NR1H4: variants seen among roughly 807,000 people sequenced by gnomAD.
NR1H4 encodes nuclear receptor subfamily 1 group H member 4, also known as bile acid receptor.
A neutral mutation model predicts 58.5 loss-of-function variants in NR1H4; 23 were observed. The ratio of observed to expected loss-of-function variants is 0.39; its 90% CI spans 0.28 to 0.56. The LOEUF is 0.56. Ranked by LOEUF, NR1H4 falls within the 20% of genes least tolerant of loss-of-function variation. NR1H4 has a pLI of 0.58. For synonymous variants in NR1H4, 214 were observed against 198.0 expected (o/e 1.08, Z -0.68); for missense variants, 487 against 576.9 (o/e 0.84, Z 1.60).
chr12:100,499,940 T>C (rs936517109), intron 3 of NR1H4: 2 of 455,910 alleles, frequency 4.4e-6, no homozygotes, highest in Non-Finnish European at 8.8e-6. Context: ...CTTGCCTTAT[T>C]TAAATAAGGT....
chr12:100,485,228 T>C (rs1953465384), intron 1 of NR1H4, among the ~76,000 whole-genome samples: 1 of 152,208 alleles, frequency 6.6e-6, no homozygotes, highest in Admixed American at 6.5e-5. Flanking sequence ...CTGAATATTT[T>C]AGACTTTGCA....
chr12:100,474,739 G>C (rs539563694), intron 1 of NR1H4, among the ~76,000 whole-genome samples: 1 of 152,188 alleles, frequency 6.6e-6, no homozygotes, highest in Middle Eastern at 3.4e-3. Flanking sequence ...AGAGTGAATG[G>C]GGCAACTGTG....
intron 9 of NR1H4, among the ~76,000 whole-genome samples, chr12:100,559,909 C>T (rs1405206134): frequency 6.6e-6 from 1 of 152,228 alleles, no homozygotes; most frequent in Non-Finnish European, 1.5e-5. Flanking sequence ...CACCAATCAG[C>T]ACCCTGTGTC....
At chr12:100,536,402 CTT>C (rs113077673) in intron 6 of NR1H4, 108 bp from the exon 7 acceptor site, 589 of 555,734 alleles carry the variant, frequency 1.1e-3, no homozygotes, top group African/African-American at 2.8e-3. Context: ...GTATTTATGC[CTT>C]TTTTTTTTTA....
intron 4 of NR1H4, among the ~76,000 whole-genome samples, chr12:100,517,423 A>G (rs1264622510): frequency 6.6e-6 from 1 of 152,200 alleles, no homozygotes; most frequent in African/African-American, 2.4e-5. Flanking sequence ...TTCTTGATCC[A>G]GTCATCCATT....
intron 9 of NR1H4, among the ~76,000 whole-genome samples, chr12:100,544,586 A>G (rs1955015329): frequency 6.6e-6 from 1 of 152,162 alleles, no homozygotes; most frequent in Non-Finnish European, 1.5e-5. Flanking sequence ...TGATAATAAA[A>G]TCTTGATAAG....
intron 4 of NR1H4, among the ~76,000 whole-genome samples, chr12:100,519,868 T>A (rs1954368634): frequency 6.6e-6 from 1 of 152,168 alleles, no homozygotes; most frequent in South Asian, 2.1e-4. Flanking sequence ...TCCTCCCGAC[T>A]TGAATAAGTT....
rs550927030 is a variant in NR1H4 at position 100,563,252 on chromosome 12, T to G, written c.1194T>G (p.Asp398Glu). Residue 398 changes from aspartate to glutamate, a missense_variant and splice_region_variant, in exon 11 of 11, where the codon GAT becomes GAG. Coordinates refer to ENST00000392986, the MANE Select transcript of NR1H4 (RefSeq NM_001206979.2). The stretch of plus-strand genomic sequence containing the variant: ...ATTTTATTTTAAACTTCAAAACAGA[T>G]AGACAATACATAAAGGATAGAGAGG... ...LLTAIVILSP[D>E]RQYIKDREAV... 5 of 1,606,194 alleles carry G rather than the reference T, an allele frequency of 3.1e-6. No homozygotes were observed. In the South Asian group the frequency reaches 4.4e-5, roughly 14 times the overall value.
intron 9 of NR1H4, among the ~76,000 whole-genome samples, chr12:100,542,450 C>T (rs1249940065): frequency 6.6e-6 from 1 of 152,152 alleles, no homozygotes; most frequent in African/African-American, 2.4e-5. Flanking sequence ...TGGAATAACA[C>T]TGTGACAGGG....
At chr12:100,487,275 C>T (rs1953512080) in intron 1 of NR1H4, among the ~76,000 whole-genome samples, 1 of 152,094 alleles carries the variant, frequency 6.6e-6, no homozygotes. Context: ...ATTTTTTATG[C>T]TTTGCTGTAT....
chr12:100,505,957 A>T, intron 3 of NR1H4: 1 of 264,060 alleles, frequency 3.8e-6, no homozygotes, highest in Non-Finnish European at 7.4e-6. Flanking sequence ...TCACTTTCAT[A>T]TGTTCAGACC....
At chr12:100,533,275 C>T (rs1954738336) in intron 5 of NR1H4, among the ~76,000 whole-genome samples, 1 of 152,192 alleles carries the variant, frequency 6.6e-6, no homozygotes, top group African/African-American at 2.4e-5. Flanking sequence ...GCAAATTCTA[C>T]AGACCACTCA....
At chr12:100,536,641 T>G in intron 7 of NR1H4, 31 bp downstream of exon 7, 1 of 1,221,842 alleles carries the variant, frequency 8.2e-7, no homozygotes, top group Non-Finnish European at 1.2e-6. Flanking sequence ...TATGTGGGTT[T>G]AAAGTTAATA....
chr12:100,560,214 A>G (rs977465810), intron 9 of NR1H4, among the ~76,000 whole-genome samples: 10 of 152,184 alleles, frequency 6.6e-5, no homozygotes, highest in Non-Finnish European at 1.3e-4. Context: ...AAAACAGGCC[A>G]CTGGGCTCTA....
intron 4 of NR1H4, among the ~76,000 whole-genome samples, chr12:100,527,865 A>G (rs1949783068): frequency 6.6e-6 from 1 of 152,172 alleles, no homozygotes; most frequent in African/African-American, 2.4e-5. Context: ...CTAAAACTTA[A>G]AGTATAATAA....
chr12:100,538,510 G>A (rs1431914380), intron 8 of NR1H4, among the ~76,000 whole-genome samples: 1 of 152,180 alleles, frequency 6.6e-6, no homozygotes, highest in African/African-American at 2.4e-5. Context: ...AAACTAGAAT[G>A]TGGGAGTCTT....
chr12:100,532,189 A>G (rs1954709964), intron 4 of NR1H4, among the ~76,000 whole-genome samples: 1 of 152,220 alleles, frequency 6.6e-6, no homozygotes. Flanking sequence ...GATCTATGAA[A>G]GTAATTTGTC....
intron 4 of NR1H4, among the ~76,000 whole-genome samples, chr12:100,512,105 C>T (rs887701046): frequency 8.6e-5 from 13 of 151,450 alleles, no homozygotes; most frequent in East Asian, 1.9e-4. Context: ...TGGTGGAGCA[C>T]GCATGTTGTC....
chr12:100,535,183 AC>A (rs1385416891), intron 6 of NR1H4, among the ~76,000 whole-genome samples, 160 bp downstream of exon 6: 2 of 152,254 alleles, frequency 1.3e-5, no homozygotes, highest in African/African-American at 4.8e-5. Flanking sequence ...TTTGATGTAA[AC>A]ATTCAAATAG....
Sources: allele counts gnomAD v4.1 joint callset (sites outside exome capture counted in the v4.1 genomes callset), GRCh38; gene constraint gnomAD v4.1.1; transcripts MANE v1.5; gene names NCBI Gene and HGNC (gene_info 2026-07-23, HGNC 2026-07-21).